PRSS27: variants seen among roughly 807,000 people sequenced by gnomAD.
The protein encoded by PRSS27 is serine protease 27, also known as channel-activating protease 2.
A neutral mutation model predicts 32.0 loss-of-function variants in PRSS27; 25 were observed. That is an observed-to-expected ratio of 0.78 (90% CI 0.57 to 1.09). The LOEUF is 1.09. Ranked by LOEUF, PRSS27 falls within the 50% of genes least tolerant of loss-of-function variation. The probability of loss-of-function intolerance (pLI) is 0.00; values close to 1 mark genes in which losing one functional copy is unlikely to be tolerated. For missense variants in PRSS27, 401 were observed against 394.9 expected, an observed-to-expected ratio of 1.02 and a Z score of -0.13; for synonymous variants, 178 against 172.2, an observed-to-expected ratio of 1.03 and a Z score of -0.26.
intron 1 of PRSS27, among the ~76,000 whole-genome samples, chr16:2,719,854 G>A (rs1038187365): frequency 2.0e-5 from 3 of 152,178 alleles, no homozygotes; most frequent in Non-Finnish European, 4.4e-5. Context: ...CCGCGGAGAG[G>A]CATGGGAGGA....
Position 2,712,916 on chromosome 16 carries a change from T to C in PRSS27, c.679-102A>G, listed in dbSNP as rs1489663449. On this transcript the variant is annotated intron_variant, in intron 5 of 5. Transcript: ENST00000302641. This position sits in a 1 kb window ranked among gnomAD's most constrained non-coding sequence, Gnocchi z 4.6. ...GTAGCTCCGCAATGGATTCCTTCTC[T>C]CCATCCCAGAGCCTCTCTGCCCGGC... is the stretch of plus-strand genomic sequence containing the variant. 2.1e-6 allele frequency: 2 copies of C among 948,776 alleles called. No homozygotes were observed. Among genetic ancestry groups the C allele is most frequent in the East Asian group, 2.7e-5 (1 of 37,076 alleles). 58.8% of individuals were successfully genotyped at this position (948,776 alleles called of 1,614,324 possible). A position where few individuals can be genotyped will look rare whatever the true frequency, so the allele number is the denominator to read the frequency against.
intron 1 of PRSS27, chr16:2,716,818 T>C: frequency 2.0e-6 from 1 of 496,860 alleles, no homozygotes; most frequent in Admixed American, 3.2e-5. Flanking sequence ...AGGCTAGATG[T>C]CCCCTTCTCA....
chr16:2,712,718 G>A lies in PRSS27; in HGVS notation c.775C>T (p.Pro259Ser), dbSNP rs2067670156. The change falls in exon 6 of 6, where the codon CCA (proline) becomes TCA (serine). Residue 259 changes from proline to serine, a missense_variant. Physicochemically the swap from Pro to Ser is moderately conservative, Grantham distance 74. Coordinates refer to ENST00000302641, the MANE Select transcript of PRSS27 (RefSeq NM_031948.5). The surrounding 1 kb of genome is among the most constrained non-coding windows in gnomAD (Gnocchi z 4.6). The stretch of plus-strand genomic sequence containing the variant: ...GCGGTGACACGGATGTAGACACCTG[G>A]GCGGTTCTGGCGGGCACAGCCCTCA... Reference protein sequence around the residue: ...WGEGCARQNRPGVYIRVTAHH... With the variant: ...WGEGCARQNRSGVYIRVTAHH... 6.3e-7 allele frequency: 1 copy of A among 1,590,664 alleles called. No individual in the cohort carries two copies. The highest frequency in any genetic ancestry group is 1.8e-5 in the Admixed American group (1 of 56,824).
At chr16:2,715,632 G>T in intron 3 of PRSS27, 86 bp downstream of exon 3, 3 of 1,127,580 alleles carry the variant, frequency 2.7e-6, no homozygotes, top group Non-Finnish European at 3.6e-6. Context: ...AGGATTTGGC[G>T]CGGCGGGCGC....
In PRSS27 at chr16:2,712,749, G is replaced by T; in HGVS notation, c.744C>A (p.Ser248Arg). The T allele has an allele frequency of 6.3e-7, 1 of 1,588,630 alleles. No individual in the cohort carries two copies. The highest frequency in any genetic ancestry group is 1.8e-5 in the Admixed American group (1 of 56,862). Residue 248 changes from serine to arginine, a missense_variant, in exon 6 of 6, where the codon AGC becomes AGA. Coordinates refer to ENST00000302641, the MANE Select transcript of PRSS27 (RefSeq NM_031948.5). The surrounding 1 kb of genome is among the most constrained non-coding windows in gnomAD (Gnocchi z 4.6). ...TCTGGCGGGCACAGCCCTCACCCCAGCTGATCACCCCCGCCTGCAGCCACG... is the reference window on the plus strand; with the variant it reads ...TCTGGCGGGCACAGCCCTCACCCCATCTGATCACCCCCGCCTGCAGCCACG... ...GQSWLQAGVI[S>R]WGEGCARQNR...
In PRSS27 at chr16:2,716,505, G is replaced by C; in HGVS notation, c.68C>G (p.Ala23Gly). 1 of 1,604,676 alleles carries C rather than the reference G, an allele frequency of 6.2e-7. No individual in the cohort carries two copies. Among genetic ancestry groups the C allele is most frequent in the South Asian group, 1.1e-5 (1 of 89,222 alleles). The stretch of plus-strand genomic sequence containing the variant: ...CCAGGGCCCTGGGTGCTTACCTGTT[G>C]CTGCCTTGGCCCTCTGAGACCCTGG... ...LCFGSQRAKA[A>G]TACGRPRMLN... Residue 23 changes from alanine to glycine, a missense_variant, in exon 2 of 6, where the codon GCA (alanine) becomes GGA (glycine). Transcript: ENST00000302641.
In PRSS27 at chr16:2,714,352, G is replaced by C; in HGVS notation, c.237-16C>G. On this transcript the variant is annotated splice_polypyrimidine_tract_variant and intron_variant, in intron 3 of 5. Transcript: ENST00000302641. This position sits in a 1 kb window ranked among gnomAD's most constrained non-coding sequence, Gnocchi z 4.7. The stretch of plus-strand genomic sequence containing the variant: ...CTCAGAGGTGCTGGCGGGAGAAACA[G>C]AGAGGCGGCGTGAGGCGGCCCCTCG... The C allele has an allele frequency of 6.3e-7, 1 of 1,586,972 alleles. No homozygotes were observed.
At position 2,712,938 on chromosome 16, in the gene PRSS27, C is replaced by T. The variant is rs543509320; in HGVS notation, c.679-124G>A. On this transcript the variant is annotated intron_variant, in intron 5 of 5. Transcript: ENST00000302641. The surrounding 1 kb of genome is among the most constrained non-coding windows in gnomAD (Gnocchi z 4.6). ...CTCTCCATCCCAGAGCCTCTCTGCC[C>T]GGCTCCCCATCCCCTGCCAGTCCGA... 2.2e-5 allele frequency: 17 copies of T among 765,732 alleles called. No individual in the cohort carries two copies. The highest frequency in any genetic ancestry group is 1.5e-4 in the Admixed American group (5 of 32,562). The allele number at this position is 765,732 out of a possible 1,614,324, so 47.4% of individuals were successfully genotyped here. A position where few individuals can be genotyped will look rare whatever the true frequency, so the allele number is the denominator to read the frequency against.
rs745550105 is a variant in PRSS27 at position 2,714,306 on chromosome 16, C to T, written c.267G>A (p.Leu89=). Residue 89 remains leucine, a synonymous_variant, in exon 4 of 6, where the codon CTG becomes CTA. Coordinates refer to ENST00000302641, the MANE Select transcript of PRSS27 (RefSeq NM_031948.5). The surrounding 1 kb of genome is among the most constrained non-coding windows in gnomAD (Gnocchi z 4.7). ...GCTGCACTAGCTGCCTTGCCCCCAG[C>T]AGGACCTGGTACAGGGACGTCTCAG... is the stretch of plus-strand genomic sequence containing the variant. ...NTSETSLYQV[L]LGARQLVQPG... The T allele has an allele frequency of 6.2e-7, 1 of 1,613,260 alleles. No individual in the cohort carries two copies. The highest frequency in any genetic ancestry group is 8.5e-7 in the Non-Finnish European group (1 of 1,179,988).
Position 2,715,730 on chromosome 16 carries a change from T to C in PRSS27, c.224A>G (p.His75Arg), listed in dbSNP as rs1450463805. Residue 75 changes from histidine to arginine, a missense_variant, in exon 3 of 6, where the codon CAC becomes CGC. Physicochemically the swap from His to Arg is conservative, Grantham distance 29 (BLOSUM62 0). Coordinates refer to ENST00000302641, the MANE Select transcript of PRSS27 (RefSeq NM_031948.5). ...IAEQWVLTAA[H>R]CFRNTSETSL... Reference sequence around the variant, plus strand: ...CGGGCGGACTCACTTGCGGAAGCAGTGCGCAGCCGTCAGGACCCACTGCTC... The same window carrying C: ...CGGGCGGACTCACTTGCGGAAGCAGCGCGCAGCCGTCAGGACCCACTGCTC... 6.5e-7 allele frequency: 1 copy of C among 1,550,076 alleles called. No individual in the cohort carries two copies. The highest frequency in any genetic ancestry group is 8.7e-7 in the Non-Finnish European group (1 of 1,152,392).
At chr16:2,713,271 TG>T (rs2142064455) in intron 5 of PRSS27, 1 of 487,930 alleles carries the variant, frequency 2.0e-6, no homozygotes, top group East Asian at 3.9e-5. Context: ...GCTAATTTTT[TG>T]TATTTTTAGT....
At chr16:2,713,937 G>A (rs1055735790) in intron 4 of PRSS27, 128 bp downstream of exon 4, 32 of 1,155,432 alleles carry the variant, frequency 2.8e-5, no homozygotes, top group Non-Finnish European at 3.8e-5. Context: ...GGCCCCACCT[G>A]TGTGAACAGA....
chr16:2,713,842 C>A, intron 4 of PRSS27, 144 bp from the exon 5 acceptor site: 1 of 1,035,574 alleles, frequency 9.7e-7, no homozygotes, highest in East Asian at 2.6e-5. Flanking sequence ...AGACATCCTC[C>A]CTCCTTCCAG....
intron 1 of PRSS27, 172 bp from the exon 2 acceptor site, chr16:2,716,698 G>A (rs984602875): frequency 9.1e-6 from 6 of 659,296 alleles, no homozygotes; most frequent in Non-Finnish European, 1.6e-5. Flanking sequence ...CCCCAGGGCT[G>A]GCTCTGCCGT....
In PRSS27 at chr16:2,720,189, C is replaced by G. The variant is rs151325595; in HGVS notation, c.-29G>C. 7 of 1,569,608 alleles carry G rather than the reference C, an allele frequency of 4.5e-6. No individual in the cohort carries two copies. The highest frequency in any genetic ancestry group is 3.3e-4 in the Middle Eastern group (2 of 5,998). On this transcript the variant is annotated 5_prime_UTR_variant, in exon 1 of 6. Coordinates refer to ENST00000302641, the MANE Select transcript of PRSS27 (RefSeq NM_031948.5). ...CTCAGGCCTGGCTGGGGCGCAGGGC[C>G]GTGGTCGGCGGTGGCAGAAGCGTTG... is the stretch of plus-strand genomic sequence containing the variant.
intron 2 of PRSS27, chr16:2,716,254 G>T: frequency 1.7e-6 from 1 of 595,844 alleles, no homozygotes; most frequent in Non-Finnish European, 3.0e-6. Context: ...CACGGTTCAG[G>T]GTGATCCTCA....
In PRSS27 at chr16:2,717,273, G is replaced by A. The variant is rs2067707970; in HGVS notation, c.47-747C>T. 1 of 152,430 alleles carries A rather than the reference G, an allele frequency of 6.6e-6. No homozygotes were observed. Among genetic ancestry groups the A allele is most frequent in the Non-Finnish European group, 1.5e-5 (1 of 68,224 alleles). The allele number at this position is 152,430 out of a possible 1,614,324, so 9.4% of individuals were successfully genotyped here. A position where few individuals can be genotyped will look rare whatever the true frequency, so the allele number is the denominator to read the frequency against. On this transcript the variant is annotated intron_variant, in intron 1 of 5. Transcript: ENST00000302641. This position sits in a 1 kb window ranked among gnomAD's most constrained non-coding sequence, Gnocchi z 4.1. ...CGGATAAAGTGAGGGGCCCGGAAGA[G>A]AAGCAAGATATGGGGTCGTTCGGGG... is the stretch of plus-strand genomic sequence containing the variant.
chr16:2,715,744 G>A lies in PRSS27; in HGVS notation c.210C>T (p.Val70=). 6.4e-7 allele frequency: 1 copy of A among 1,569,600 alleles called. No homozygotes were observed. Among genetic ancestry groups the A allele is most frequent in the Non-Finnish European group, 8.6e-7 (1 of 1,162,180 alleles). The change falls in exon 3 of 6, where the codon GTC becomes GTT. Residue 70 remains valine (V), a synonymous_variant. Coordinates refer to ENST00000302641, the MANE Select transcript of PRSS27 (RefSeq NM_031948.5). Reference sequence around the variant, plus strand: ...TGCGGAAGCAGTGCGCAGCCGTCAGGACCCACTGCTCCGCGATGAGGCTGC... The same window carrying A: ...TGCGGAAGCAGTGCGCAGCCGTCAGAACCCACTGCTCCGCGATGAGGCTGC... ...CGGSLIAEQW[V]LTAAHCFRNT...
Position 2,714,327 on chromosome 16 carries a change from C to G in PRSS27, c.246G>C (p.Glu82Asp). Reference sequence around the variant, plus strand: ...CCAGCAGGACCTGGTACAGGGACGTCTCAGAGGTGCTGGCGGGAGAAACAG... The same window carrying G: ...CCAGCAGGACCTGGTACAGGGACGTGTCAGAGGTGCTGGCGGGAGAAACAG... ...TAAHCFRNTS[E>D]TSLYQVLLGA... The change falls in exon 4 of 6, where the codon GAG (glutamate) becomes GAC (aspartate). Residue 82 changes from glutamate to aspartate, a missense_variant. Glu to Asp is a conservative substitution (Grantham distance 45, BLOSUM62 2). Transcript: ENST00000302641. This position sits in a 1 kb window ranked among gnomAD's most constrained non-coding sequence, Gnocchi z 4.7. 1.2e-6 allele frequency: 2 copies of G among 1,612,762 alleles called. No individual in the cohort carries two copies. Among genetic ancestry groups the G allele is most frequent in the South Asian group, 1.1e-5 (1 of 91,066 alleles).
Sources: gnomAD v4.1 joint callset for allele counts (sites outside exome capture counted in the v4.1 genomes callset) on GRCh38, gnomAD v4.1.1 for gene constraint, Gnocchi (gnomAD v3.1) non-coding constraint, MANE v1.5 for transcripts, NCBI Gene and HGNC (gene_info 2026-07-23, HGNC 2026-07-21) for gene names.